The following WWOX variants were observed in gnomAD, a reference collection of about 807,000 sequenced individuals.
The protein encoded by WWOX is WW domain-containing oxidoreductase.
WWOX carries 69 observed loss-of-function variants against 46.2 expected under a neutral mutation model. That is an observed-to-expected ratio of 1.49 (90% CI 1.23 to 1.82). WWOX has a LOEUF of 1.82. Among genes scored for constraint, WWOX ranks in the 40% most tolerant of loss-of-function variants. The pLI is 0.00. For missense variants in WWOX, 919 were observed against 542.6 expected, an observed-to-expected ratio of 1.69 and a Z score of -6.89; for synonymous variants, 359 against 202.6, an observed-to-expected ratio of 1.77 and a Z score of -6.56.
At chr16:79,096,004 C>G (rs1244192301) in intron 8 of WWOX, among the ~76,000 whole-genome samples, 3 of 148,956 alleles carry the variant, frequency 2.0e-5, no homozygotes, top group African/African-American at 5.0e-5. Context: ...CATGCGCTGC[C>G]ACACCCGGAT....
intron 8 of WWOX, among the ~76,000 whole-genome samples, chr16:78,858,799 C>G (rs879454637): frequency 2.0e-5 from 3 of 151,474 alleles, no homozygotes; most frequent in African/African-American, 7.3e-5. Context: ...CCATCTCAGC[C>G]TCCTCAGTTG....
At chr16:79,185,954 G>C (rs2051005591) in intron 8 of WWOX, among the ~76,000 whole-genome samples, 1 of 151,786 alleles carries the variant, frequency 6.6e-6, no homozygotes, top group African/African-American at 2.4e-5. Context: ...CTGTGTGTGT[G>C]TGTGTGTGCA....
intron 5 of WWOX, among the ~76,000 whole-genome samples, chr16:78,199,980 G>T (rs1052737575): frequency 1.3e-5 from 2 of 152,216 alleles, no homozygotes; most frequent in Non-Finnish European, 2.9e-5. Context: ...CCACAAAGGT[G>T]ATCGCTTCAG....
At chr16:78,378,432 C>A (rs2081879931) in intron 5 of WWOX, among the ~76,000 whole-genome samples, 1 of 152,190 alleles carries the variant, frequency 6.6e-6, no homozygotes, top group East Asian at 1.9e-4. Context: ...ATGAAAGCAA[C>A]TGTGTCCCCA....
At chr16:78,133,864 C>G (rs965212683) in intron 4 of WWOX, among the ~76,000 whole-genome samples, 13 of 152,264 alleles carry the variant, frequency 8.5e-5, no homozygotes, top group African/African-American at 3.1e-4. Context: ...GCTGAGCTTG[C>G]AAGGGAAGAA....
chr16:78,755,697 C>A (rs2142469050), intron 8 of WWOX, among the ~76,000 whole-genome samples: 1 of 152,246 alleles, frequency 6.6e-6, no homozygotes, highest in Admixed American at 6.5e-5. Context: ...GGCCATGTGA[C>A]AAATACCCAT....
chr16:78,724,634 C>G (rs762453715), intron 8 of WWOX, among the ~76,000 whole-genome samples: 1 of 152,176 alleles, frequency 6.6e-6, no homozygotes, highest in Non-Finnish European at 1.5e-5. Context: ...ATCCCCAGAG[C>G]TGGGAAAACA....
At chr16:78,898,142 G>C (rs1403250032) in intron 8 of WWOX, 1 of 151,912 alleles carries the variant, frequency 6.6e-6, no homozygotes, top group African/African-American at 2.4e-5. Flanking sequence ...AAAAGCAGAA[G>C]TTATAAATAC....
intron 8 of WWOX, among the ~76,000 whole-genome samples, chr16:78,627,066 G>A (rs895664317): frequency 9.2e-5 from 14 of 152,126 alleles, no homozygotes; most frequent in African/African-American, 3.4e-4. Context: ...TACACAAAGG[G>A]CAGCATGCTA....
chr16:79,152,166 C>T (rs1383171374), intron 8 of WWOX, among the ~76,000 whole-genome samples: 1 of 152,192 alleles, frequency 6.6e-6, no homozygotes, highest in African/African-American at 2.4e-5. Context: ...TGCCTTGGAA[C>T]TTGCTTGCAT....
chr16:78,883,871 A>T (rs2044395666), intron 8 of WWOX, among the ~76,000 whole-genome samples: 1 of 152,182 alleles, frequency 6.6e-6, no homozygotes, highest in African/African-American at 2.4e-5. Flanking sequence ...CTAAACTAAA[A>T]AGATAATTTA....
At chr16:78,788,776 T>A (rs2142582756) in intron 8 of WWOX, among the ~76,000 whole-genome samples, 1 of 152,228 alleles carries the variant, frequency 6.6e-6, no homozygotes, top group African/African-American at 2.4e-5. Context: ...AGCCAGACAT[T>A]CTGAAGTCTC....
intron 8 of WWOX, among the ~76,000 whole-genome samples, chr16:78,524,797 T>C (rs986319941): frequency 5.4e-5 from 8 of 147,666 alleles, no homozygotes; most frequent in Admixed American, 4.9e-4. Context: ...GGTCAAAGTA[T>C]GAACTATTTT....
At chr16:78,852,469 A>C (rs1219934369) in intron 8 of WWOX, among the ~76,000 whole-genome samples, 1 of 152,208 alleles carries the variant, frequency 6.6e-6, no homozygotes, top group East Asian at 1.9e-4. Flanking sequence ...TCCAACAGTC[A>C]GACCAGATTG....
intron 8 of WWOX, among the ~76,000 whole-genome samples, chr16:79,143,296 T>C (rs938677767): frequency 6.6e-5 from 10 of 152,218 alleles, no homozygotes; most frequent in African/African-American, 2.4e-4. Context: ...CAGTATATAT[T>C]ACAAAAACTG....
chr16:79,176,869 C>A (rs1448331499), intron 8 of WWOX, among the ~76,000 whole-genome samples: 1 of 152,056 alleles, frequency 6.6e-6, no homozygotes, highest in Non-Finnish European at 1.5e-5. Context: ...TATCATCATC[C>A]ATTTATTTCC....
In WWOX at chr16:78,616,261, G is replaced by GT. The variant is rs568049079; in HGVS notation, c.1056+183516dup. Among the ~76,000 whole-genome samples the GT allele has an allele frequency of 8.6e-4, 131 of 151,930 alleles. 3 individuals are homozygous for GT. Among genetic ancestry groups the GT allele is most frequent in the African/African-American group, 3.0e-3 (126 of 41,450 alleles). On this transcript the variant is annotated intron_variant, in intron 8 of 8. Transcript: ENST00000566780. ...ATAAGCAAGTAGGATGTTTGTCTTAGTTTTTTTGGGCTGCTATAACAAAAT... is the reference window on the plus strand; with the variant it reads ...ATAAGCAAGTAGGATGTTTGTCTTAGTTTTTTTTGGGCTGCTATAACAAAAT...
rs141832101 is a variant in WWOX at position 78,548,821 on chromosome 16, T to C, written c.1056+116069T>C. On this transcript the variant is annotated intron_variant, in intron 8 of 8. Coordinates refer to ENST00000566780, the MANE Select transcript of WWOX (RefSeq NM_016373.4). ...CGCCTTCATTTCAATATTTGCCTTTTGGCTGCAGCCCGTTAACTGGTCACA... is the reference window on the plus strand; with the variant it reads ...CGCCTTCATTTCAATATTTGCCTTTCGGCTGCAGCCCGTTAACTGGTCACA... 1.6e-4 allele frequency among the ~76,000 whole-genome samples: 24 copies of C among 152,346 alleles called. No individual in the cohort carries two copies. The East Asian group carries it at 4.2e-3, about 27-fold the overall frequency.
intron 5 of WWOX, among the ~76,000 whole-genome samples, chr16:78,332,983 C>T (rs1233119186): frequency 6.7e-6 from 1 of 148,374 alleles, no homozygotes; most frequent in African/African-American, 2.5e-5. Flanking sequence ...TAATATAAAA[C>T]AATCTTTTTA....
Sources: gnomAD v4.1 joint callset for allele counts (sites outside exome capture counted in the v4.1 genomes callset) on GRCh38, gnomAD v4.1.1 for gene constraint, MANE v1.5 for transcripts, NCBI Gene and HGNC (gene_info 2026-07-23, HGNC 2026-07-21) for gene names.